TAFA2: variants seen among roughly 807,000 people sequenced by gnomAD.
TAFA2 encodes chemokine-like protein TAFA-2.
Under a neutral mutation model 18.8 loss-of-function variants are expected in TAFA2, and 7 were observed. The observed-to-expected ratio is 0.37, with a 90% confidence interval of 0.21 to 0.70. The LOEUF is 0.70. TAFA2 is among the 30% of genes least tolerant of loss of function. TAFA2 has a pLI of 0.53. For synonymous variants in TAFA2, 60 were observed against 54.2 expected (o/e 1.11, Z -0.47); for missense variants, 122 against 158.1 (o/e 0.77, Z 1.23).
chr12:61,947,381 G>A (rs1002990706), intron 1 of TAFA2, among the ~76,000 whole-genome samples: 5 of 150,384 alleles, frequency 3.3e-5, no homozygotes, highest in Admixed American at 1.3e-4. Flanking sequence ...TGGGTGCAGC[G>A]CACCAGCATG....
At chr12:62,209,410 G>A (rs1431855872) in intron 1 of TAFA2, among the ~76,000 whole-genome samples, 1 of 152,110 alleles carries the variant, frequency 6.6e-6, no homozygotes, top group Non-Finnish European at 1.5e-5. Context: ...AGTTTCCTGA[G>A]GCCTCCCCAG....
At chr12:62,197,754 C>A (rs969398623), upstream of TAFA2, among the ~76,000 whole-genome samples, 3 of 152,098 alleles carry the variant, frequency 2.0e-5, no homozygotes, top group Non-Finnish European at 4.4e-5. Flanking sequence ...ATTTTCAGAT[C>A]ATCTGTGTTG....
chr12:62,044,886 G>C (rs1226178547), intron 1 of TAFA2, among the ~76,000 whole-genome samples: 1 of 152,126 alleles, frequency 6.6e-6, no homozygotes, highest in Non-Finnish European at 1.5e-5. Context: ...TAAGACCCAG[G>C]ATGATCAGGC....
chr12:62,144,965 G>A (rs1212186525), intron 1 of TAFA2, among the ~76,000 whole-genome samples: 6 of 152,170 alleles, frequency 3.9e-5, no homozygotes, highest in Non-Finnish European at 8.8e-5. Context: ...ACTTGGTGAG[G>A]TATATGTATA....
At chr12:62,185,510 C>T (rs577899193) in intron 1 of TAFA2, among the ~76,000 whole-genome samples, 1 of 152,276 alleles carries the variant, frequency 6.6e-6, no homozygotes, top group East Asian at 1.9e-4. Flanking sequence ...ATAGCCATTT[C>T]TGAGAAATTT....
At chr12:61,764,388 T>A (rs1869697881) in intron 2 of TAFA2, among the ~76,000 whole-genome samples, 1 of 152,100 alleles carries the variant, frequency 6.6e-6, no homozygotes. Flanking sequence ...TGATTAAGAT[T>A]ATTCCTATAA....
intron 2 of TAFA2, among the ~76,000 whole-genome samples, chr12:61,763,062 T>C (rs1869630262): frequency 6.6e-6 from 1 of 152,056 alleles, no homozygotes; most frequent in Non-Finnish European, 1.5e-5. Context: ...TTCATTAGAA[T>C]GGGAAAATAG....
chr12:62,256,440 AC>A (rs1287368427), intron 1 of TAFA2, among the ~76,000 whole-genome samples: 3 of 152,064 alleles, frequency 2.0e-5, no homozygotes, highest in Non-Finnish European at 4.4e-5. Flanking sequence ...CAGTCCCACA[AC>A]TCCTTATTAT....
At chr12:62,181,717 T>TA (rs1021826890) in intron 1 of TAFA2, among the ~76,000 whole-genome samples, 2 of 152,220 alleles carry the variant, frequency 1.3e-5, no homozygotes, top group African/African-American at 4.8e-5. Flanking sequence ...CATGAGGTCC[T>TA]AGACAGCAGT....
At chr12:61,721,757 A>G (rs1869909631) in intron 4 of TAFA2, among the ~76,000 whole-genome samples, 2 of 152,190 alleles carry the variant, frequency 1.3e-5, no homozygotes, top group African/African-American at 4.8e-5. Flanking sequence ...GGAGTTCGAG[A>G]CCAGCCTGAC....
intron 2 of TAFA2, 85 bp downstream of exon 2, chr12:61,867,235 A>G: frequency 1.2e-6 from 1 of 851,038 alleles, no homozygotes; most frequent in South Asian, 1.5e-5. Flanking sequence ...AAAATTTAAC[A>G]GACCAGTGGA....
chr12:62,243,223 A>G (rs2062870718), intron 1 of TAFA2, among the ~76,000 whole-genome samples: 1 of 152,180 alleles, frequency 6.6e-6, no homozygotes, highest in African/African-American at 2.4e-5. Context: ...ACAATGTTTG[A>G]ATGTCAGGCT....
intron 1 of TAFA2, among the ~76,000 whole-genome samples, chr12:62,211,070 G>A (rs548595707): frequency 6.6e-6 from 1 of 152,258 alleles, no homozygotes; most frequent in Non-Finnish European, 1.5e-5. Flanking sequence ...GAGATCTTTA[G>A]GACTAGTGTT....
At chr12:61,827,523 G>A (rs1400862388) in intron 2 of TAFA2, among the ~76,000 whole-genome samples, 1 of 151,982 alleles carries the variant, frequency 6.6e-6, no homozygotes, top group East Asian at 1.9e-4. Context: ...GCCGGAAAAG[G>A]GTTTTTTGTA....
intron 2 of TAFA2, among the ~76,000 whole-genome samples, chr12:61,865,546 A>G (rs1239515623): frequency 6.6e-6 from 1 of 152,188 alleles, no homozygotes; most frequent in Admixed American, 6.6e-5. Context: ...GTAATGTACC[A>G]GCTCTGACCA....
At chr12:61,949,031 T>A (rs1384228899) in intron 1 of TAFA2, among the ~76,000 whole-genome samples, 1 of 152,174 alleles carries the variant, frequency 6.6e-6, no homozygotes, top group Non-Finnish European at 1.5e-5. Context: ...GACAGGGCCA[T>A]GGGGTGGCCA....
intron 2 of TAFA2, among the ~76,000 whole-genome samples, chr12:61,779,250 C>A (rs1303568676): frequency 6.6e-6 from 1 of 151,682 alleles, no homozygotes; most frequent in Non-Finnish European, 1.5e-5. Context: ...GTGTGAGAGA[C>A]AGAGAATCCA....
intron 1 of TAFA2, among the ~76,000 whole-genome samples, chr12:62,105,482 G>T (rs1869407024): frequency 6.6e-6 from 1 of 152,126 alleles, no homozygotes. Flanking sequence ...AGTATCATTA[G>T]CCATTAAAAA....
chr12:61,801,143 T>A (rs565290873), intron 2 of TAFA2, among the ~76,000 whole-genome samples: 1 of 152,080 alleles, frequency 6.6e-6, no homozygotes, highest in South Asian at 2.1e-4. Flanking sequence ...ATAGAAGATA[T>A]CCCATGTTCA....
Sources: allele counts gnomAD v4.1 joint callset (sites outside exome capture counted in the v4.1 genomes callset), GRCh38; gene constraint gnomAD v4.1.1; transcripts MANE v1.5; gene names NCBI Gene and HGNC (gene_info 2026-07-23, HGNC 2026-07-21).